The following PVT1 variants were observed in gnomAD, a reference collection of about 807,000 sequenced individuals.
PVT1 encodes the protein CXCR4/PVT1 fusion.
rs148076393 is a variant in PVT1 at position 128,079,024 on chromosome 8, A to G, written n.1114+8663A>G. On this transcript the variant is annotated intron_variant and non_coding_transcript_variant, in intron 5 of 10. Coordinates refer to ENST00000651587, the Ensembl canonical transcript of PVT1. ...CTTTTCTTTTTTTTTTTTTTTTTAC[A>G]TAGTTGTTATCTTAAGGTGATTTCC... 3.2e-3 allele frequency among the ~76,000 whole-genome samples: 390 copies of G among 121,870 alleles called. 12 individuals carry two copies. In the East Asian group the frequency reaches 0.074, roughly 23 times the overall value. The allele number at this position is 121,870 out of a possible 152,430, so 80.0% of individuals were successfully genotyped here.
chr8:127,895,988 G>A (rs1815669272), intron 3 of PVT1, among the ~76,000 whole-genome samples: 1 of 152,104 alleles, frequency 6.6e-6, no homozygotes, highest in Admixed American at 6.5e-5. Flanking sequence ...CCTAAATAAA[G>A]GAAACATGTT....
intron 4 of PVT1, among the ~76,000 whole-genome samples, chr8:127,998,724 CTCCT>C (rs562863695): frequency 2.3e-4 from 30 of 129,174 alleles, no homozygotes; most frequent in Middle Eastern, 5.5e-3. Context: ...TCCTTCCTTT[CTCCT>C]TCCTTCCTTC....
chr8:127,954,893 G>C (rs1816551041), intron 3 of PVT1, among the ~76,000 whole-genome samples: 1 of 152,194 alleles, frequency 6.6e-6, no homozygotes, highest in South Asian at 2.1e-4. Flanking sequence ...CTACAAGCCT[G>C]TCCTCCAGGT....
At chr8:127,809,029 C>CAAAAAAAAAAAAAAAAAAAAAAAAA (rs1158760672) in intron 2 of PVT1, among the ~76,000 whole-genome samples, 13 of 28,266 alleles carry the variant, frequency 4.6e-4, no homozygotes, top group Middle Eastern at 0.031. Context: ...GATTCCATCT[C>CAAAAAAAAAAAAAAAAAAAAAAAAA]AAAAAAAAAA....
intron 3 of PVT1, among the ~76,000 whole-genome samples, chr8:127,899,391 A>C (rs1815730930): frequency 6.6e-6 from 1 of 152,076 alleles, no homozygotes; most frequent in African/African-American, 2.4e-5. Context: ...TTAAATTTGG[A>C]AGTCAGACTG....
At chr8:127,878,185 A>G (rs1259395408) in intron 2 of PVT1, among the ~76,000 whole-genome samples, 1 of 152,152 alleles carries the variant, frequency 6.6e-6, no homozygotes, top group Non-Finnish European at 1.5e-5. Context: ...GGAAATTGAA[A>G]AAAAAAACCC....
chr8:128,049,617 G>A (rs1320306408), intron 4 of PVT1, among the ~76,000 whole-genome samples: 1 of 152,094 alleles, frequency 6.6e-6, no homozygotes, highest in African/African-American at 2.4e-5. Flanking sequence ...TTATCAGGGT[G>A]GATGCAACAC....
At chr8:127,878,443 A>C (rs1769789194) in intron 2 of PVT1, among the ~76,000 whole-genome samples, 4 of 152,198 alleles carry the variant, frequency 2.6e-5, no homozygotes, top group Admixed American at 2.6e-4. Flanking sequence ...TGAAGCTTAA[A>C]GCTTCGCAGA....
chr8:127,896,811 C>T (rs1238224077), intron 3 of PVT1, among the ~76,000 whole-genome samples: 2 of 139,082 alleles, frequency 1.4e-5, no homozygotes, highest in African/African-American at 2.6e-5. Flanking sequence ...CCCCAATGTG[C>T]TCAAGTGTTT....
chr8:127,997,528 A>C (rs953833409), intron 4 of PVT1, among the ~76,000 whole-genome samples: 3 of 152,172 alleles, frequency 2.0e-5, no homozygotes, highest in African/African-American at 4.8e-5. Context: ...ATTGAAGGAA[A>C]TATTCCAGAT....
At chr8:128,048,983 C>T (rs1405252442) in intron 4 of PVT1, among the ~76,000 whole-genome samples, 2 of 152,196 alleles carry the variant, frequency 1.3e-5, no homozygotes, top group African/African-American at 4.8e-5. Context: ...AATAAATTAC[C>T]CTTCTCCACT....
rs1041892787 is a variant in PVT1, at chr8:127,896,780, C to A, written n.782+5782C>A. Among the ~76,000 whole-genome samples, 442 of 141,180 alleles carry A rather than the reference C, an allele frequency of 3.1e-3. 2 individuals are homozygous for A. Among genetic ancestry groups the A allele is most frequent in the African/African-American group, 0.012 (400 of 34,182 alleles). The allele number at this position is 141,180 out of a possible 152,430, so 92.6% of individuals were successfully genotyped here. ...TTTTTCCTGATGCCTTTCCTCCCCC[C>A]CCCCGCCCCCGACCCACAGGCCCCA... On this transcript the variant is annotated intron_variant and non_coding_transcript_variant, in intron 3 of 10. Coordinates refer to ENST00000651587, the Ensembl canonical transcript of PVT1.
chr8:128,001,063 C>A (rs890609847), intron 4 of PVT1, among the ~76,000 whole-genome samples: 6 of 152,222 alleles, frequency 3.9e-5, no homozygotes, highest in African/African-American at 1.4e-4. Context: ...TTGCTCAGTT[C>A]AACTTGAAGC....
chr8:128,067,848 G>T (rs1007321068), intron 4 of PVT1, among the ~76,000 whole-genome samples: 16 of 152,124 alleles, frequency 1.1e-4, no homozygotes, highest in African/African-American at 3.9e-4. Flanking sequence ...GGGTTTTAAG[G>T]ATGGAAGAGA....
At chr8:128,016,812 G>A (rs370709849) in intron 4 of PVT1, among the ~76,000 whole-genome samples, 2 of 152,242 alleles carry the variant, frequency 1.3e-5, no homozygotes, top group African/African-American at 4.8e-5. Flanking sequence ...CTTCAGTGCT[G>A]TGGAAACTTG....
chr8:127,919,371 G>A (rs1208157200), intron 3 of PVT1, among the ~76,000 whole-genome samples: 1 of 152,196 alleles, frequency 6.6e-6, no homozygotes, highest in East Asian at 1.9e-4. Context: ...AGGTAACAAA[G>A]CCATTTCCTC....
At chr8:127,896,686 C>T (rs1284875272) in intron 3 of PVT1, among the ~76,000 whole-genome samples, 4 of 151,700 alleles carry the variant, frequency 2.6e-5, no homozygotes, top group Admixed American at 6.6e-5. Flanking sequence ...ACATGGTAGA[C>T]GTGTGCCATG....
chr8:128,035,519 A>G (rs1813451411), intron 4 of PVT1, among the ~76,000 whole-genome samples: 1 of 152,188 alleles, frequency 6.6e-6, no homozygotes, highest in Non-Finnish European at 1.5e-5. Flanking sequence ...GGTGCTGGGA[A>G]TGTGATGACG....
chr8:127,999,757 C>T (rs550455396), intron 4 of PVT1, among the ~76,000 whole-genome samples: 66 of 152,346 alleles, frequency 4.3e-4, no homozygotes, highest in African/African-American at 1.5e-3. Flanking sequence ...TCACCACGCC[C>T]GGCCCCCATC....
Sources: gnomAD v4.1 joint callset for allele counts (sites outside exome capture counted in the v4.1 genomes callset) on GRCh38, gnomAD v4.1.1 for gene constraint, MANE v1.5 for transcripts, NCBI Gene and HGNC (gene_info 2026-07-23, HGNC 2026-07-21) for gene names.